GLRA1: variants seen among roughly 807,000 people sequenced by gnomAD.
The protein encoded by GLRA1 is glycine receptor subunit alpha-1.
In GLRA1, 37 loss-of-function variants were observed where a neutral mutation model predicts 48.3. The ratio of observed to expected loss-of-function variants is 0.77; its 90% CI spans 0.59 to 1.01. GLRA1 has a LOEUF of 1.01. Among genes scored for constraint, GLRA1 ranks in the 50% least tolerant of loss-of-function variants. GLRA1 has a pLI of 0.00. For missense variants in GLRA1, 427 were observed against 571.0 expected (o/e 0.75, Z 2.57); for synonymous variants, 196 against 210.7 (o/e 0.93, Z 0.60).
intron 8 of GLRA1, among the ~76,000 whole-genome samples, chr5:151,827,419 C>T (rs1387129561): frequency 6.6e-6 from 1 of 152,182 alleles, no homozygotes; most frequent in Non-Finnish European, 1.5e-5. Context: ...GTTTAAGAAA[C>T]ATACTGATGG....
At chr5:151,882,909 A>G (rs1432172109) in intron 3 of GLRA1, among the ~76,000 whole-genome samples, 1 of 152,178 alleles carries the variant, frequency 6.6e-6, no homozygotes, top group East Asian at 1.9e-4. Context: ...ATAGCAGTTT[A>G]TCAAATAATG....
chr5:151,858,938 A>G (rs1336054719), intron 4 of GLRA1, among the ~76,000 whole-genome samples: 1 of 152,254 alleles, frequency 6.6e-6, no homozygotes, highest in Non-Finnish European at 1.5e-5. Context: ...AGAGGGCATC[A>G]GATTCACACT....
rs757081711 is a variant in GLRA1 at position 151,855,010 on chromosome 5, G to C, written c.697+30C>G. The stretch of plus-strand genomic sequence containing the variant: ...GACCTCTGGTCCTGGTTGGGGGGTG[G>C]GATCTGAGGAGGGTGGCCCTTGTAC... On this transcript the variant is annotated intron_variant, in intron 6 of 8. Coordinates refer to ENST00000274576, the MANE Select transcript of GLRA1 (RefSeq NM_000171.4). 2.5e-6 allele frequency: 4 copies of C among 1,611,020 alleles called. No homozygotes were observed. In the African/African-American group the frequency reaches 5.3e-5, roughly 22 times the overall value.
intron 3 of GLRA1, 40 bp from the exon 4 acceptor site, chr5:151,860,048 C>A (rs781505806): frequency 6.7e-7 from 1 of 1,488,798 alleles, no homozygotes; most frequent in East Asian, 2.3e-5. Context: ...AATGTTAGGC[C>A]CAAGGACATC....
intron 3 of GLRA1, among the ~76,000 whole-genome samples, chr5:151,884,789 C>T (rs1431198840): frequency 6.6e-6 from 1 of 152,216 alleles, no homozygotes; most frequent in African/African-American, 2.4e-5. Flanking sequence ...GCTTGATAAC[C>T]ATTTACCATT....
chr5:151,843,211 C>T (rs1225271212), intron 7 of GLRA1, among the ~76,000 whole-genome samples: 2 of 151,476 alleles, frequency 1.3e-5, no homozygotes, highest in Non-Finnish European at 2.9e-5. Flanking sequence ...TTTATTAAAA[C>T]TCCAGCTATT....
intron 1 of GLRA1, among the ~76,000 whole-genome samples, chr5:151,922,636 T>G (rs898594325): frequency 6.6e-6 from 1 of 152,236 alleles, no homozygotes; most frequent in Non-Finnish European, 1.5e-5. Flanking sequence ...GAAAGAGATG[T>G]AGAATGATGT....
At chr5:151,872,118 T>A (rs1212502671) in intron 3 of GLRA1, among the ~76,000 whole-genome samples, 1 of 149,632 alleles carries the variant, frequency 6.7e-6, no homozygotes, top group Non-Finnish European at 1.5e-5. Flanking sequence ...AGATAGCATT[T>A]CAAATTAGTA....
intron 3 of GLRA1, among the ~76,000 whole-genome samples, chr5:151,867,544 A>G (rs1753368813): frequency 2.0e-5 from 3 of 152,224 alleles, no homozygotes; most frequent in Admixed American, 1.3e-4. Context: ...ATAAATAATA[A>G]TAATTGCCCC....
At position 151,849,121 on chromosome 5, in the gene GLRA1, TTTC is replaced by T. The variant is rs1482213682; in HGVS notation, c.912+2266_912+2268del. The T allele has an allele frequency of 1.2e-4, 25 of 202,986 alleles. 2 individuals carry two copies. In the African/African-American group the frequency reaches 1.2e-3, roughly 10 times the overall value. The allele number at this position is 202,986 out of a possible 1,614,324, so 12.6% of individuals were successfully genotyped here. A position where few individuals can be genotyped will look rare whatever the true frequency, so the allele number is the denominator to read the frequency against. On this transcript the variant is annotated intron_variant, in intron 7 of 8. Transcript: ENST00000274576. ...TTCTTTTCTTTTCTTTCTTTCTTTC[TTTC>T]TTTCTTTCTTTCTTTCTTTCTTTCT...
intron 1 of GLRA1, among the ~76,000 whole-genome samples, chr5:151,903,499 T>G (rs1237199387): frequency 1.3e-5 from 2 of 152,228 alleles, no homozygotes; most frequent in Admixed American, 1.3e-4. Flanking sequence ...GCTGCAGCTA[T>G]GCTCAGTGGG....
chr5:151,923,091 ACT>A lies in GLRA1; in HGVS notation c.56+1401_56+1402del, dbSNP rs60981309. On this transcript the variant is annotated intron_variant, in intron 1 of 8. Transcript: ENST00000274576. ...TTGTTGTACTTTTTCATTCTATCTG[ACT>A]CTCTGACTATTTGCAGTCTGATCTG... Among the ~76,000 whole-genome samples the A allele has an allele frequency of 9.0e-3, 1,369 of 152,148 alleles. 20 individuals carry two copies. The highest frequency in any genetic ancestry group is 0.031 in the African/African-American group (1,286 of 41,508).
intron 1 of GLRA1, among the ~76,000 whole-genome samples, chr5:151,916,882 T>A (rs914663118): frequency 6.6e-6 from 1 of 152,068 alleles, no homozygotes; most frequent in Non-Finnish European, 1.5e-5. Context: ...AGGCCACCAG[T>A]TTGGGGATAG....
At chr5:151,863,924 A>G (rs1753267054) in intron 3 of GLRA1, among the ~76,000 whole-genome samples, 1 of 152,152 alleles carries the variant, frequency 6.6e-6, no homozygotes, top group African/African-American at 2.4e-5. Context: ...ATTTAATTGC[A>G]GCCTCTCCCT....
chr5:151,855,255 G>A, intron 5 of GLRA1, 78 bp from the exon 6 acceptor site: 1 of 1,342,828 alleles, frequency 7.4e-7, no homozygotes, highest in Non-Finnish European at 1.1e-6. Context: ...GTTAGGGTTA[G>A]AGACTGAGAG....
rs1754982224 is a variant in GLRA1, at chr5:151,924,780, C to G, written c.-231G>C. On this transcript the variant is annotated 5_prime_UTR_variant, in exon 1 of 9. Transcript: ENST00000274576. ...TCAGCACCACGGAGAGCGTCCAGAC[C>G]TGCTTTTCAGGAGCGCGAAGAGTAT... is the stretch of plus-strand genomic sequence containing the variant. 1 of 612,358 alleles carries G rather than the reference C, an allele frequency of 1.6e-6. No homozygotes were observed. Among genetic ancestry groups the G allele is most frequent in the Non-Finnish European group, 2.9e-6 (1 of 342,464 alleles). 37.9% of individuals were successfully genotyped at this position (612,358 alleles called of 1,614,324 possible). A position where few individuals can be genotyped will look rare whatever the true frequency, so the allele number is the denominator to read the frequency against.
At chr5:151,887,208 C>G (rs1753930175) in intron 2 of GLRA1, among the ~76,000 whole-genome samples, 1 of 152,158 alleles carries the variant, frequency 6.6e-6, no homozygotes, top group African/African-American at 2.4e-5. Context: ...ACTTATGAAC[C>G]AAGAATGATT....
intron 7 of GLRA1, among the ~76,000 whole-genome samples, chr5:151,849,417 T>C: frequency 6.2e-5 from 1 of 16,104 alleles, no homozygotes; most frequent in Non-Finnish European, 1.2e-4. Context: ...TTTCCTTTCC[T>C]TTCCTTTCCT....
chr5:151,888,798 C>G (rs1581646691), intron 2 of GLRA1, among the ~76,000 whole-genome samples: 1 of 152,212 alleles, frequency 6.6e-6, no homozygotes, highest in East Asian at 1.9e-4. Context: ...TGCCTGAATA[C>G]TTCCAGCAGT....
Sources: allele counts gnomAD v4.1 joint callset (sites outside exome capture counted in the v4.1 genomes callset), GRCh38; gene constraint gnomAD v4.1.1; transcripts MANE v1.5; gene names NCBI Gene and HGNC (gene_info 2026-07-23, HGNC 2026-07-21).